Variants in PRKAG2 observed in about 807,000 individuals in gnomAD.
PRKAG2 encodes protein kinase AMP-activated non-catalytic subunit gamma 2, also known as 5'-AMP-activated protein kinase subunit gamma-2.
Under a neutral mutation model 69.6 loss-of-function variants are expected in PRKAG2, and 26 were observed. That is an observed-to-expected ratio of 0.37 (90% CI 0.27 to 0.52). The LOEUF is 0.52. PRKAG2 is among the 20% of genes least tolerant of loss of function. The pLI is 0.90. For synonymous variants in PRKAG2, 293 were observed against 285.0 expected, an observed-to-expected ratio of 1.03 and a Z score of -0.28; for missense variants, 557 against 740.0, an observed-to-expected ratio of 0.75 and a Z score of 2.87.
At chr7:151,784,779 C>T (rs757395800) in intron 2 of PRKAG2, among the ~76,000 whole-genome samples, 2 of 152,166 alleles carry the variant, frequency 1.3e-5, no homozygotes, top group African/African-American at 2.4e-5. Context: ...CCAGTGGAGT[C>T]GGGCATCCAG....
intron 4 of PRKAG2, among the ~76,000 whole-genome samples, chr7:151,652,204 A>T (rs981848251): frequency 1.1e-4 from 17 of 152,216 alleles, no homozygotes; most frequent in African/African-American, 4.1e-4. Flanking sequence ...CTTGTCAAGA[A>T]GGCTATCCAC....
In PRKAG2 at chr7:151,656,155, T is replaced by C. The variant is rs916264336; in HGVS notation, c.684+19265A>G. Among the ~76,000 whole-genome samples, 11 of 152,210 alleles carry C rather than the reference T, an allele frequency of 7.2e-5. 1 individual carries two copies. The highest frequency in any genetic ancestry group is 1.2e-4 in the African/African-American group (5 of 41,444). ...AGTACATATTCATTTATCATAGCCA[T>C]TGATAACTATAAATTTGTTATCTAA... On this transcript the variant is annotated intron_variant, in intron 4 of 15. Coordinates refer to ENST00000287878, the MANE Select transcript of PRKAG2 (RefSeq NM_016203.4).
rs113255014 is a variant in PRKAG2, at chr7:151,675,689, G to A, written c.467-52C>T. On this transcript the variant is annotated intron_variant, in intron 3 of 15. Transcript: ENST00000287878. ...AGAGGTCCGGCTTCCAGGAAGGGACGTCGGGGGTGGTCAGAGGTCTGGTCT... is the reference window on the plus strand; with the variant it reads ...AGAGGTCCGGCTTCCAGGAAGGGACATCGGGGGTGGTCAGAGGTCTGGTCT... The A allele has an allele frequency of 9.9e-6, 15 of 1,518,632 alleles. 1 individual carries two copies. Among genetic ancestry groups the A allele is most frequent in the Non-Finnish European group, 1.3e-5 (14 of 1,097,938 alleles). The allele number at this position is 1,518,632 out of a possible 1,614,324, so 94.1% of individuals were successfully genotyped here. A position where few individuals can be genotyped will look rare whatever the true frequency, so the allele number is the denominator to read the frequency against.
intron 5 of PRKAG2, among the ~76,000 whole-genome samples, chr7:151,597,454 C>T (rs914983398): frequency 6.6e-6 from 1 of 152,060 alleles, no homozygotes; most frequent in African/African-American, 2.4e-5. Context: ...AAGCTTCTAT[C>T]CTGCAAAGGA....
chr7:151,757,770 G>A (rs187098786), intron 3 of PRKAG2, among the ~76,000 whole-genome samples: 9 of 152,212 alleles, frequency 5.9e-5, no homozygotes, highest in South Asian at 2.1e-4. Context: ...CACTGCCCCC[G>A]CCACCCCATC....
At chr7:151,740,698 C>T (rs535223395) in intron 3 of PRKAG2, among the ~76,000 whole-genome samples, 4 of 152,298 alleles carry the variant, frequency 2.6e-5, no homozygotes, top group East Asian at 3.9e-4. Flanking sequence ...GTATGTGAGC[C>T]GTGGCTGCAA....
chr7:151,647,592 C>T (rs59698408), intron 4 of PRKAG2, among the ~76,000 whole-genome samples: 7 of 152,238 alleles, frequency 4.6e-5, no homozygotes, highest in Admixed American at 3.3e-4. Context: ...GGTGGACATT[C>T]GGGTGGCGGC....
intron 5 of PRKAG2, among the ~76,000 whole-genome samples, chr7:151,606,290 A>G (rs1308552137): frequency 6.6e-6 from 1 of 152,238 alleles, no homozygotes; most frequent in East Asian, 1.9e-4. Context: ...TTAAGCTAGG[A>G]AAATACAGTA....
At chr7:151,664,883 C>T (rs1830811594) in intron 4 of PRKAG2, among the ~76,000 whole-genome samples, 5 of 152,152 alleles carry the variant, frequency 3.3e-5, no homozygotes, top group Admixed American at 3.3e-4. Context: ...CTAAAGTGGC[C>T]ATCGTCATGG....
intron 6 of PRKAG2, among the ~76,000 whole-genome samples, chr7:151,577,217 T>C (rs1372426538): frequency 6.6e-6 from 1 of 152,110 alleles, no homozygotes; most frequent in Non-Finnish European, 1.5e-5. Context: ...AAAAAAAAGG[T>C]ATGAAAGATA....
intron 3 of PRKAG2, among the ~76,000 whole-genome samples, chr7:151,690,209 C>T (rs552544565): frequency 6.6e-6 from 1 of 152,178 alleles, no homozygotes; most frequent in South Asian, 2.1e-4. Context: ...AACCACTCAT[C>T]CCGAGGGAGG....
intron 1 of PRKAG2, among the ~76,000 whole-genome samples, chr7:151,847,684 G>T (rs960161520): frequency 2.5e-4 from 38 of 152,232 alleles, no homozygotes; most frequent in African/African-American, 9.2e-4. Context: ...GACAAGCTCC[G>T]CTGGGGCTGC....
chr7:151,872,410 G>A (rs1184847905), intron 1 of PRKAG2, among the ~76,000 whole-genome samples: 1 of 152,156 alleles, frequency 6.6e-6, no homozygotes, highest in East Asian at 1.9e-4. Context: ...ACCTTTAATG[G>A]CTTCTTAGTT....
At chr7:151,675,771 G>T in intron 3 of PRKAG2, 134 bp from the exon 4 acceptor site, 2 of 826,016 alleles carry the variant, frequency 2.4e-6, no homozygotes, top group Non-Finnish European at 4.0e-6. Flanking sequence ...GGACGTCGGG[G>T]GCAGTCAGAG....
intron 2 of PRKAG2, among the ~76,000 whole-genome samples, chr7:151,784,078 G>T (rs562924028): frequency 1.9e-4 from 29 of 152,130 alleles, no homozygotes; most frequent in Non-Finnish European, 2.9e-4. Context: ...CTGGGTGGAG[G>T]CCCGGGTTTG....
intron 3 of PRKAG2, among the ~76,000 whole-genome samples, chr7:151,712,484 AG>A (rs1257266426): frequency 6.6e-6 from 1 of 152,208 alleles, no homozygotes; most frequent in Non-Finnish European, 1.5e-5. Context: ...CCACTGTGAA[AG>A]GGAAAGTCCC....
chr7:151,846,050 A>T (rs59157287), intron 1 of PRKAG2, among the ~76,000 whole-genome samples: 14,522 of 152,260 alleles, frequency 0.095, 1,301 homozygotes, highest in East Asian at 0.38. Context: ...CGGCCTGATC[A>T]GTGCTCGCCC....
At chr7:151,854,984 CTCCACACACACCAT>C (rs1563756301) in intron 1 of PRKAG2, among the ~76,000 whole-genome samples, 22 of 29,638 alleles carry the variant, frequency 7.4e-4, no homozygotes, top group Admixed American at 4.2e-3. Flanking sequence ...ACACACCATG[CTCCACACACACCAT>C]GCTCCACACA....
intron 4 of PRKAG2, among the ~76,000 whole-genome samples, chr7:151,659,468 G>A (rs537743408): frequency 6.6e-6 from 1 of 152,288 alleles, no homozygotes; most frequent in East Asian, 1.9e-4. Context: ...CTTATAAAAA[G>A]GCATGGATCA....
Sources: gnomAD v4.1 joint callset for allele counts (sites outside exome capture counted in the v4.1 genomes callset) on GRCh38, gnomAD v4.1.1 for gene constraint, MANE v1.5 for transcripts, NCBI Gene and HGNC (gene_info 2026-07-23, HGNC 2026-07-21) for gene names.